Variants in ATG10 observed in about 807,000 individuals in gnomAD.
The protein encoded by ATG10 is ubiquitin-like-conjugating enzyme ATG10.
A neutral mutation model predicts 32.1 loss-of-function variants in ATG10; 30 were observed. The observed-to-expected ratio is 0.94, with a 90% CI of 0.70 to 1.27. The LOEUF is 1.27. Among genes scored for constraint, ATG10 ranks in the 50% most tolerant of loss-of-function variants. The pLI, the probability that ATG10 is intolerant of heterozygous loss-of-function variation, is 0.00. For synonymous variants in ATG10, 87 were observed against 91.5 expected (o/e 0.95, Z 0.28); for missense variants, 233 against 262.3 (o/e 0.89, Z 0.77).
intron 2 of ATG10, among the ~76,000 whole-genome samples, chr5:82,022,701 A>G (rs1762479115): frequency 6.7e-6 from 1 of 148,688 alleles, no homozygotes; most frequent in South Asian, 2.1e-4. Flanking sequence ...ATTTACATAT[A>G]TCTCATTTAA....
At chr5:82,054,005 A>T (rs184073664) in intron 2 of ATG10, among the ~76,000 whole-genome samples, 1 of 152,224 alleles carries the variant, frequency 6.6e-6, no homozygotes, top group East Asian at 1.9e-4. Flanking sequence ...GTTCATGAAG[A>T]TCTTGAGTTG....
chr5:82,217,810 CAAAA>C (rs869258898), intron 5 of ATG10, among the ~76,000 whole-genome samples: 1 of 128,058 alleles, frequency 7.8e-6, no homozygotes, highest in Non-Finnish European at 1.7e-5. Flanking sequence ...CCCTCTCTAC[CAAAA>C]AAAAAAAAAA....
chr5:82,223,850 A>ATAC (rs1265702431), intron 5 of ATG10, among the ~76,000 whole-genome samples: 1 of 152,188 alleles, frequency 6.6e-6, no homozygotes, highest in Non-Finnish European at 1.5e-5. Flanking sequence ...GAGAGGCTTG[A>ATAC]TACTATCTTA....
Position 82,102,091 on chromosome 5 carries a change from A to G in ATG10, c.216+43489A>G, listed in dbSNP as rs887354392. Among the ~76,000 whole-genome samples the G allele has an allele frequency of 3.3e-5, 5 of 152,192 alleles. No individual in the cohort carries two copies. In the South Asian group the frequency reaches 1.0e-3, roughly 32 times the overall value. ...TGCCTTATGACTTTTATTATAGAAT[A>G]ATTTGTTACAGGAAAGATTTGATCA... On this transcript the variant is annotated intron_variant, in intron 3 of 7. Coordinates refer to ENST00000282185, the MANE Select transcript of ATG10 (RefSeq NM_031482.5).
intron 2 of ATG10, among the ~76,000 whole-genome samples, chr5:82,051,282 G>C (rs1763412519): frequency 6.6e-6 from 1 of 152,134 alleles, no homozygotes; most frequent in Non-Finnish European, 1.5e-5. Flanking sequence ...CATCCAGAAG[G>C]CTTAATTCTT....
chr5:82,092,315 C>T (rs989755742), intron 3 of ATG10, among the ~76,000 whole-genome samples: 1 of 152,018 alleles, frequency 6.6e-6, no homozygotes, highest in Admixed American at 6.6e-5. Flanking sequence ...AATATAAAAG[C>T]ACCAGAGGAA....
intron 3 of ATG10, among the ~76,000 whole-genome samples, chr5:82,103,799 GC>G (rs1301272864): frequency 6.6e-6 from 1 of 152,046 alleles, no homozygotes; most frequent in Admixed American, 6.6e-5. Flanking sequence ...TCCCACTCGT[GC>G]AACCAATTCC....
chr5:82,228,362 A>T (rs757706384), intron 5 of ATG10, among the ~76,000 whole-genome samples: 7 of 152,240 alleles, frequency 4.6e-5, no homozygotes, highest in Non-Finnish European at 1.0e-4. Flanking sequence ...AATACTAGCA[A>T]TGATTATGAC....
intron 3 of ATG10, among the ~76,000 whole-genome samples, chr5:82,086,870 T>C (rs772210316): frequency 6.6e-6 from 1 of 152,224 alleles, no homozygotes; most frequent in Non-Finnish European, 1.5e-5. Flanking sequence ...ATCAGTGTAC[T>C]TCTAAAATTA....
At chr5:82,100,140 C>G (rs902813798) in intron 3 of ATG10, among the ~76,000 whole-genome samples, 8 of 149,820 alleles carry the variant, frequency 5.3e-5, no homozygotes, top group Non-Finnish European at 1.0e-4. Context: ...TCCTGAGTAG[C>G]TGGGATTACA....
At chr5:82,245,904 G>A (rs1014398212) in intron 5 of ATG10, among the ~76,000 whole-genome samples, 8 of 151,596 alleles carry the variant, frequency 5.3e-5, no homozygotes, top group Admixed American at 2.6e-4. Flanking sequence ...CAATTTAACC[G>A]TGTAAATTAA....
intron 3 of ATG10, among the ~76,000 whole-genome samples, chr5:82,077,679 C>T (rs185590215): frequency 7.9e-4 from 120 of 152,188 alleles, no homozygotes; most frequent in African/African-American, 2.6e-3. Flanking sequence ...CCTGAAAGCG[C>T]GGTAGTGCAG....
chr5:82,169,392 C>A (rs1743716253), intron 4 of ATG10, among the ~76,000 whole-genome samples: 1 of 150,620 alleles, frequency 6.6e-6, no homozygotes. Context: ...AAAACAATAA[C>A]CTCTTAGAGA....
chr5:82,118,417 T>TATATATATATATGTA (rs1472778722), intron 3 of ATG10, among the ~76,000 whole-genome samples: 1 of 141,198 alleles, frequency 7.1e-6, no homozygotes. Flanking sequence ...TATGTATATA[T>TATATATATATATGTA]TCCCTAGCAC....
At chr5:82,079,031 C>G (rs906236350) in intron 3 of ATG10, among the ~76,000 whole-genome samples, 1 of 152,160 alleles carries the variant, frequency 6.6e-6, no homozygotes, top group Admixed American at 6.5e-5. Context: ...GTTTAGCCCT[C>G]TTTTCTGCTT....
chr5:82,015,324 G>T (rs1451452430), intron 2 of ATG10, among the ~76,000 whole-genome samples: 1 of 152,158 alleles, frequency 6.6e-6, no homozygotes, highest in African/African-American at 2.4e-5. Context: ...CTCTTCTCGA[G>T]GAGTATCTTT....
chr5:82,245,119 T>G (rs1176581394), intron 5 of ATG10, among the ~76,000 whole-genome samples: 1 of 152,166 alleles, frequency 6.6e-6, no homozygotes, highest in Non-Finnish European at 1.5e-5. Flanking sequence ...ACTAAAAGGA[T>G]CCCAATAGTT....
chr5:82,112,558 T>C lies in ATG10; in HGVS notation c.217-51841T>C, dbSNP rs539591658. On this transcript the variant is annotated intron_variant, in intron 3 of 7. Coordinates refer to ENST00000282185, the MANE Select transcript of ATG10 (RefSeq NM_031482.5). ...TACTAAATGATGATATACAGTATTG[T>C]ACTTTAAGACCCTGATTCCTATGAA... 1.8e-4 allele frequency among the ~76,000 whole-genome samples: 27 copies of C among 152,046 alleles called. 1 individual carries two copies. The South Asian group carries it at 5.4e-3, about 30-fold the overall frequency.
intron 1 of ATG10, among the ~76,000 whole-genome samples, chr5:81,982,102 CA>C (rs1438537903): frequency 6.6e-6 from 1 of 152,078 alleles, no homozygotes; most frequent in Non-Finnish European, 1.5e-5. Context: ...TGTCACAAAA[CA>C]AAAACAAAAA....
Sources: allele counts gnomAD v4.1 joint callset (sites outside exome capture counted in the v4.1 genomes callset), GRCh38; gene constraint gnomAD v4.1.1; transcripts MANE v1.5; gene names NCBI Gene and HGNC (gene_info 2026-07-23, HGNC 2026-07-21).